Variants in SKP1 observed in about 807,000 individuals in gnomAD.
SKP1 encodes S-phase kinase-associated protein 1.
SKP1 carries 1 observed loss-of-function variant against 21.5 expected under a neutral mutation model. The observed-to-expected ratio is 0.05, with a 90% CI of 0.02 to 0.22. The LOEUF is 0.22. Among genes scored for constraint, SKP1 ranks in the 10% least tolerant of loss-of-function variants. The probability of loss-of-function intolerance (pLI) is 1.00; values close to 1 mark genes in which losing one functional copy is unlikely to be tolerated. For missense variants in SKP1, 70 were observed against 192.0 expected (o/e 0.36, Z 3.76); for synonymous variants, 59 against 59.3 (o/e 0.99, Z 0.03).
At chr5:134,169,663 A>G (rs10479069) in intron 2 of SKP1, among the ~76,000 whole-genome samples, 7,228 of 151,988 alleles carry the variant, frequency 0.048, 486 homozygotes, top group African/African-American at 0.15. Context: ...TCAGGAGTTC[A>G]AGACCAGCCT....
intron 4 of SKP1, 67 bp from the exon 5 acceptor site, chr5:134,158,662 T>C (rs761599869): frequency 2.4e-5 from 32 of 1,309,210 alleles, no homozygotes; most frequent in Admixed American, 8.4e-5. Flanking sequence ...AAGTTAATGA[T>C]TGACACTCCG....
intron 1 of SKP1, chr5:134,175,423 C>A (rs1761521371): frequency 6.6e-6 from 1 of 152,154 alleles, no homozygotes; most frequent in African/African-American, 2.4e-5. Context: ...GAGGACCCTT[C>A]CTGTGACAAG....
Position 134,152,136 on chromosome 5 carries a change from G to A in SKP1, c.*5597C>T, listed in dbSNP as rs2149371440. On this transcript the variant is annotated 3_prime_UTR_variant, in exon 6 of 6. Transcript: ENST00000353411. ...AGAAAAAGTCATCAGGACTCTAACT[G>A]TAAAACCCCCAACATTCAAAAGACT... The A allele has an allele frequency of 6.6e-6, 1 of 152,200 alleles. No homozygotes were observed. The allele number at this position is 152,200 out of a possible 1,614,324, so 9.4% of individuals were successfully genotyped here. A position where few individuals can be genotyped will look rare whatever the true frequency, so the allele number is the denominator to read the frequency against.
chr5:134,157,831 A>ACT, intron 5 of SKP1, 63 bp from the exon 6 acceptor site: 1 of 1,612,656 alleles, frequency 6.2e-7, no homozygotes, highest in Non-Finnish European at 8.5e-7. Context: ...ACTTATAAAT[A>ACT]CTACCTACTG....
At chr5:134,174,502 T>A (rs1357427701) in intron 1 of SKP1, 1 of 983,870 alleles carries the variant, frequency 1.0e-6, no homozygotes, top group East Asian at 1.1e-4. Context: ...CATCAGAATA[T>A]GCTCATTTAT....
At chr5:134,162,630 A>AC (rs375716876) in intron 3 of SKP1, among the ~76,000 whole-genome samples, 6,665 of 151,128 alleles carry the variant, frequency 0.044, 408 homozygotes, top group African/African-American at 0.14. Context: ...CAGATGATCC[A>AC]CCCCCCTTGG....
intron 3 of SKP1, among the ~76,000 whole-genome samples, chr5:134,165,973 G>A (rs929820467): frequency 2.6e-5 from 4 of 151,502 alleles, no homozygotes; most frequent in Admixed American, 6.6e-5. Context: ...CAGGGAGATC[G>A]TCTGAGGTCA....
intron 4 of SKP1, among the ~76,000 whole-genome samples, chr5:134,159,547 AT>A (rs1166778296): frequency 0.056 from 7,574 of 134,390 alleles, 479 homozygotes; most frequent in African/African-American, 0.18. Flanking sequence ...CACCCAGCTA[AT>A]TTTTTTTTTT....
chr5:134,173,279 C>T (rs1761480909), intron 2 of SKP1: 3 of 162,428 alleles, frequency 1.8e-5, no homozygotes, highest in Admixed American at 1.2e-4. Flanking sequence ...TTACAGTGAG[C>T]CAAGACTGCA....
intron 1 of SKP1, chr5:134,175,231 A>C (rs1198427613): frequency 1.3e-5 from 2 of 152,262 alleles, no homozygotes; most frequent in Non-Finnish European, 2.9e-5. Flanking sequence ...TTGTTAGGCA[A>C]AGGAAGCAAA....
Position 134,149,157 on chromosome 5 carries a change from AC to A in SKP1, c.*8575del, listed in dbSNP as rs1038680791. 1 of 152,154 alleles carries A rather than the reference AC, an allele frequency of 6.6e-6. No individual in the cohort carries two copies. The highest frequency in any genetic ancestry group is 6.5e-5 in the Admixed American group (1 of 15,282). The allele number at this position is 152,154 out of a possible 1,614,324, so 9.4% of individuals were successfully genotyped here. A position where few individuals can be genotyped will look rare whatever the true frequency, so the allele number is the denominator to read the frequency against. ...GGTCCGGGCTTTTAGTGTGCCTCTCACCCAAACAGTGTACTGTGCACGTAAG... is the reference window on the plus strand; with the variant it reads ...GGTCCGGGCTTTTAGTGTGCCTCTCACCAAACAGTGTACTGTGCACGTAAG... On this transcript the variant is annotated 3_prime_UTR_variant, in exon 6 of 6. Transcript: ENST00000353411.
chr5:134,158,716 A>T, intron 4 of SKP1, 121 bp from the exon 5 acceptor site: 1 of 848,542 alleles, frequency 1.2e-6, no homozygotes, highest in Admixed American at 2.2e-5. Context: ...AATTAAAGGG[A>T]GAAGAATAAA....
At chr5:134,157,796 C>T in intron 5 of SKP1, 28 bp from the exon 6 acceptor site, 1 of 1,613,134 alleles carries the variant, frequency 6.2e-7, no homozygotes, top group African/African-American at 1.3e-5. Context: ...AGGGAAGTAC[C>T]TTAACTTGAG....
Position 134,149,903 on chromosome 5 carries a change from C to T in SKP1, c.*7830G>A, listed in dbSNP as rs139646888. Reference sequence around the variant, plus strand: ...GGAAACTCAGATCCTCCCAAATCACCCTGGTGCATTCCTGCGAGGCCAGAG... The same window carrying T: ...GGAAACTCAGATCCTCCCAAATCACTCTGGTGCATTCCTGCGAGGCCAGAG... On this transcript the variant is annotated 3_prime_UTR_variant, in exon 6 of 6. Transcript: ENST00000353411. 3.9e-3 allele frequency: 594 copies of T among 152,032 alleles called. 7 individuals carry two copies. The highest frequency in any genetic ancestry group is 0.013 in the African/African-American group (551 of 41,432). 9.4% of individuals were successfully genotyped at this position (152,032 alleles called of 1,614,324 possible).
intron 2 of SKP1, among the ~76,000 whole-genome samples, chr5:134,172,517 T>C (rs1375025744): frequency 5.9e-5 from 9 of 151,744 alleles, no homozygotes; most frequent in Admixed American, 2.6e-4. Flanking sequence ...GCTGCATATA[T>C]ACTTTGTAGT....
At chr5:134,176,123 ATTTC>A (rs1761539596) in intron 1 of SKP1, among the ~76,000 whole-genome samples, 1 of 152,206 alleles carries the variant, frequency 6.6e-6, no homozygotes, top group African/African-American at 2.4e-5. Flanking sequence ...TAGACGTCCT[ATTTC>A]TTTAAAAGCC....
At position 134,154,476 on chromosome 5, in the gene SKP1, T is replaced by C. The variant is rs1580922627; in HGVS notation, c.*3257A>G. 1 of 144,278 alleles carries C rather than the reference T, an allele frequency of 6.9e-6. No individual in the cohort carries two copies. The highest frequency in any genetic ancestry group is 2.6e-5 in the African/African-American group (1 of 38,582). The allele number at this position is 144,278 out of a possible 1,614,324, so 8.9% of individuals were successfully genotyped here. ...AAAAAAAAAAAAAAAAAAAAAATTA[T>C]TAGAATTTGAGGGGGCACATCTTTA... On this transcript the variant is annotated 3_prime_UTR_variant, in exon 6 of 6. Coordinates refer to ENST00000353411, the MANE Select transcript of SKP1 (RefSeq NM_170679.3).
At chr5:134,173,052 G>A (rs1761475946) in intron 2 of SKP1, among the ~76,000 whole-genome samples, 1 of 151,518 alleles carries the variant, frequency 6.6e-6, no homozygotes, top group Non-Finnish European at 1.5e-5. Flanking sequence ...ATCAGCTGGG[G>A]CAGGGCGCGG....
At chr5:134,159,942 C>T (rs1223247780) in intron 4 of SKP1, among the ~76,000 whole-genome samples, 1 of 152,076 alleles carries the variant, frequency 6.6e-6, no homozygotes, top group African/African-American at 2.4e-5. Context: ...CTCACCCTCC[C>T]AAAGTGTTGG....
Sources: gnomAD v4.1 joint callset for allele counts (sites outside exome capture counted in the v4.1 genomes callset) on GRCh38, gnomAD v4.1.1 for gene constraint, MANE v1.5 for transcripts, NCBI Gene and HGNC (gene_info 2026-07-23, HGNC 2026-07-21) for gene names.